Variants in LRBA observed in about 807,000 individuals in gnomAD.
LRBA encodes the protein lipopolysaccharide-responsive and beige-like anchor protein.
In LRBA, 176 loss-of-function variants were observed where a neutral mutation model predicts 330.0. That is an observed-to-expected ratio of 0.53 (90% CI 0.47 to 0.60). The LOEUF is 0.60. Among genes scored for constraint, LRBA ranks in the 20% least tolerant of loss-of-function variants. LRBA has a pLI of 0.00. For missense variants in LRBA, 3,259 were observed against 3,444.8 expected, an observed-to-expected ratio of 0.95 and a Z score of 1.35; for synonymous variants, 1,230 against 1,193.0, an observed-to-expected ratio of 1.03 and a Z score of -0.64.
At chr4:150,728,236 A>T (rs560765727) in intron 36 of LRBA, among the ~76,000 whole-genome samples, 7 of 152,284 alleles carry the variant, frequency 4.6e-5, no homozygotes, top group Middle Eastern at 3.4e-3. Flanking sequence ...AGTAAAGAAA[A>T]GCCTGGGGCC....
chr4:150,499,344 T>C (rs72957833), intron 40 of LRBA, among the ~76,000 whole-genome samples: 37 of 152,308 alleles, frequency 2.4e-4, no homozygotes, highest in African/African-American at 8.9e-4. Flanking sequence ...AATTAAGCTA[T>C]AAAGTATTTC....
intron 40 of LRBA, among the ~76,000 whole-genome samples, chr4:150,555,612 A>G (rs993456250): frequency 4.6e-5 from 7 of 151,992 alleles, no homozygotes; most frequent in Non-Finnish European, 8.8e-5. Context: ...TTAGCTGGGC[A>G]TGGTGGCGCA....
intron 2 of LRBA, among the ~76,000 whole-genome samples, chr4:150,940,815 T>G (rs1735586794): frequency 6.6e-6 from 1 of 152,120 alleles, no homozygotes; most frequent in South Asian, 2.1e-4. Flanking sequence ...CTTAGTAATC[T>G]TCTCTCTTTC....
chr4:150,918,125 T>C (rs1005857394), intron 5 of LRBA, among the ~76,000 whole-genome samples: 1 of 152,094 alleles, frequency 6.6e-6, no homozygotes, highest in Non-Finnish European at 1.5e-5. Context: ...TTGGACTTTA[T>C]TAAAATTAAA....
At chr4:150,485,110 A>C (rs569966344) in intron 42 of LRBA, among the ~76,000 whole-genome samples, 1 of 152,052 alleles carries the variant, frequency 6.6e-6, no homozygotes, top group South Asian at 2.1e-4. Flanking sequence ...CAATTGACTA[A>C]AATGTTTTAT....
At position 150,828,512 on chromosome 4, in the gene LRBA, A is replaced by G. The variant is rs937475893; in HGVS notation, c.4839T>C (p.Thr1613=). 2 of 1,614,000 alleles carry G rather than the reference A, an allele frequency of 1.2e-6. No individual in the cohort carries two copies. Among genetic ancestry groups the G allele is most frequent in the African/African-American group, 2.7e-5 (2 of 74,922 alleles). The change falls in exon 30 of 57, where the codon ACT becomes ACC. Residue 1613 remains threonine (T), a synonymous_variant. Transcript: ENST00000651943. ...TTACTTCCACATGGCTTCCTAAACC[A>G]GTGGCTGTTTCTTCCCCAATGCCTG... is the stretch of plus-strand genomic sequence containing the variant. ...RDSGIGEETA[T]GLGSHVEVTP...
At chr4:150,273,605 G>C (rs1746407542) in intron 56 of LRBA, among the ~76,000 whole-genome samples, 1 of 151,796 alleles carries the variant, frequency 6.6e-6, no homozygotes, top group Admixed American at 6.6e-5. Flanking sequence ...TCAAAATAAA[G>C]GGATGGAGGA....
At chr4:150,796,292 A>C (rs1740780944) in intron 34 of LRBA, among the ~76,000 whole-genome samples, 4 of 151,898 alleles carry the variant, frequency 2.6e-5, no homozygotes, top group African/African-American at 4.8e-5. Flanking sequence ...TGCCAAGTTG[A>C]CCTCTTTGAA....
intron 40 of LRBA, among the ~76,000 whole-genome samples, chr4:150,522,286 G>A (rs372949265): frequency 2.0e-5 from 3 of 152,032 alleles, no homozygotes; most frequent in African/African-American, 7.2e-5. Context: ...CCCAGACTTA[G>A]GTATTAATAT....
intron 51 of LRBA, among the ~76,000 whole-genome samples, chr4:150,312,486 C>T (rs1351449855): frequency 6.6e-6 from 1 of 151,944 alleles, no homozygotes; most frequent in African/African-American, 2.4e-5. Flanking sequence ...AAAATAAAGA[C>T]ATATTTCCCT....
At chr4:150,502,123 A>G (rs1410207243) in intron 40 of LRBA, among the ~76,000 whole-genome samples, 2 of 152,234 alleles carry the variant, frequency 1.3e-5, no homozygotes, top group African/African-American at 4.8e-5. Context: ...AGTACTGACC[A>G]AGCTATGAAA....
At chr4:150,552,775 A>T (rs1015299333) in intron 40 of LRBA, among the ~76,000 whole-genome samples, 6 of 152,108 alleles carry the variant, frequency 3.9e-5, no homozygotes, top group Admixed American at 6.5e-5. Flanking sequence ...AGACTGGATT[A>T]AAAAAATGTG....
intron 17 of LRBA, among the ~76,000 whole-genome samples, chr4:150,880,501 CAG>C (rs770143713): frequency 2.6e-4 from 34 of 132,382 alleles, no homozygotes; most frequent in Non-Finnish European, 3.9e-4. Flanking sequence ...ACCTGGGAAA[CAG>C]AGCAATACCC....
chr4:150,572,755 G>A (rs1770023610), intron 40 of LRBA, among the ~76,000 whole-genome samples: 1 of 152,214 alleles, frequency 6.6e-6, no homozygotes, highest in African/African-American at 2.4e-5. Context: ...GACCGCCTCT[G>A]GATGCATACT....
intron 4 of LRBA, among the ~76,000 whole-genome samples, 191 bp downstream of exon 4, chr4:150,928,325 C>A (rs1734097704): frequency 6.6e-6 from 1 of 152,162 alleles, no homozygotes; most frequent in Non-Finnish European, 1.5e-5. Flanking sequence ...GCCTGAAACA[C>A]CATTATCTTA....
At chr4:150,834,147 T>G (rs1375466759) in intron 28 of LRBA, among the ~76,000 whole-genome samples, 1 of 152,180 alleles carries the variant, frequency 6.6e-6, no homozygotes, top group Non-Finnish European at 1.5e-5. Flanking sequence ...CTCCTAAAAG[T>G]CATCCATGAG....
chr4:150,766,866 A>C (rs1169279352), intron 34 of LRBA, among the ~76,000 whole-genome samples: 2 of 152,208 alleles, frequency 1.3e-5, no homozygotes, highest in African/African-American at 4.8e-5. Flanking sequence ...AAAACAAAAC[A>C]AGAGAGTCAA....
chr4:150,690,833 G>A (rs1784065372), intron 36 of LRBA, among the ~76,000 whole-genome samples: 2 of 151,320 alleles, frequency 1.3e-5, no homozygotes, highest in Admixed American at 1.3e-4. Context: ...AGGCAATGTT[G>A]TTAGACTGGA....
chr4:150,436,729 T>C lies in LRBA; in HGVS notation c.6916A>G (p.Arg2306Gly). Residue 2306 changes from arginine (R) to glycine (G), a missense_variant, in exon 45 of 57, where the codon AGA (arginine) becomes GGA (glycine). Arg to Gly is a moderately radical substitution (Grantham distance 125). Coordinates refer to ENST00000651943, the MANE Select transcript of LRBA (RefSeq NM_001364905.1). ...ATTATTCAAATTGAACTTACTATTC[T>C]TAGCAGCCATGCAAGAACAAAACTT... ...TASFVLAWLL[R>G]IEPFTTYFLN... 1 of 1,612,012 alleles carries C rather than the reference T, an allele frequency of 6.2e-7. No individual in the cohort carries two copies. The highest frequency in any genetic ancestry group is 1.1e-5 in the South Asian group (1 of 90,792).
Sources: allele counts gnomAD v4.1 joint callset (sites outside exome capture counted in the v4.1 genomes callset), GRCh38; gene constraint gnomAD v4.1.1; transcripts MANE v1.5; gene names NCBI Gene and HGNC (gene_info 2026-07-23, HGNC 2026-07-21).